BCAS1: variants seen among roughly 807,000 people sequenced by gnomAD.
BCAS1 encodes the protein breast carcinoma-amplified sequence 1.
BCAS1 carries 46 observed loss-of-function variants against 65.4 expected under a neutral mutation model. The observed-to-expected ratio is 0.70, with a 90% confidence interval of 0.55 to 0.90. The LOEUF (loss-of-function observed/expected upper bound fraction) is 0.90, where lower values mean the gene tolerates loss of function less well. BCAS1 is among the 40% of genes least tolerant of loss of function. The pLI, the probability that BCAS1 is intolerant of heterozygous loss-of-function variation, is 0.00. For missense variants in BCAS1, 793 were observed against 771.2 expected, an observed-to-expected ratio of 1.03 and a Z score of -0.33; for synonymous variants, 298 against 293.5, an observed-to-expected ratio of 1.02 and a Z score of -0.16.
chr20:53,984,738 C>G (rs888701077), intron 8 of BCAS1, among the ~76,000 whole-genome samples: 11 of 152,204 alleles, frequency 7.2e-5, no homozygotes, highest in African/African-American at 2.7e-4. Context: ...ACTCAGACCT[C>G]AGATGGGAAC....
intron 1 of BCAS1, among the ~76,000 whole-genome samples, chr20:54,066,280 G>A (rs1473418204): frequency 2.0e-5 from 3 of 152,162 alleles, no homozygotes; most frequent in African/African-American, 7.2e-5. Flanking sequence ...CCCCGTGTTA[G>A]CCAGGATGGT....
intron 1 of BCAS1, among the ~76,000 whole-genome samples, chr20:54,065,669 C>T (rs992085523): frequency 6.6e-6 from 1 of 152,202 alleles, no homozygotes; most frequent in Admixed American, 6.5e-5. Context: ...ACCTAGGGAT[C>T]TGCATTTCTG....
At chr20:54,057,331 T>C (rs1000686583) in intron 3 of BCAS1, among the ~76,000 whole-genome samples, 2 of 152,224 alleles carry the variant, frequency 1.3e-5, no homozygotes, top group Admixed American at 1.3e-4. Context: ...AAATGTTTAA[T>C]AAACAACCTC....
intron 9 of BCAS1, among the ~76,000 whole-genome samples, chr20:53,969,787 T>C (rs189076322): frequency 2.0e-5 from 3 of 152,288 alleles, no homozygotes; most frequent in Admixed American, 2.0e-4. Flanking sequence ...CAATCCAATG[T>C]TCTGAGAAGG....
intron 4 of BCAS1, among the ~76,000 whole-genome samples, chr20:53,998,670 G>A (rs2090981288): frequency 6.6e-6 from 1 of 152,166 alleles, no homozygotes; most frequent in Non-Finnish European, 1.5e-5. Flanking sequence ...ATTTAGGTAA[G>A]GACAGATGTG....
chr20:53,948,342 C>G (rs1329416321), intron 12 of BCAS1, among the ~76,000 whole-genome samples: 1 of 151,016 alleles, frequency 6.6e-6, no homozygotes, highest in Admixed American at 6.6e-5. Context: ...CTTGTACAAG[C>G]ATTTTCTTCA....
intron 4 of BCAS1, among the ~76,000 whole-genome samples, chr20:54,000,625 G>C (rs2091033892): frequency 6.6e-6 from 1 of 152,118 alleles, no homozygotes; most frequent in Non-Finnish European, 1.5e-5. Flanking sequence ...AAGTTATCCT[G>C]TAGCTCATTA....
intron 9 of BCAS1, 90 bp from the exon 10 acceptor site, chr20:53,967,163 G>T: frequency 7.7e-7 from 1 of 1,299,188 alleles, no homozygotes; most frequent in Non-Finnish European, 1.1e-6. Context: ...TTGCCCCCCT[G>T]TCCACATAGT....
chr20:54,060,723 G>T (rs1218457377), intron 1 of BCAS1, among the ~76,000 whole-genome samples: 1 of 152,156 alleles, frequency 6.6e-6, no homozygotes. Context: ...TGTTAATGTG[G>T]TTATTGTCCC....
rs752675539 is a variant in BCAS1 at position 53,953,521 on chromosome 20, CCG to C, written c.1724_1725del (p.Thr575SerfsTer17). The C allele has an allele frequency of 9.3e-6, 15 of 1,613,876 alleles. No homozygotes were observed. The highest frequency in any genetic ancestry group is 1.2e-5 in the Non-Finnish European group (14 of 1,180,018). On this transcript the variant is annotated frameshift_variant, in exon 12 of 13. Transcript: ENST00000688948. LOFTEE classifies it high-confidence loss of function. ...CCATTCTGCAGTGAGTTCGTGTCCA[CCG>C]TGGCCTGCTCTGTGCACTGGGCTGG... Reference protein sequence around the residue: ...KEPAQCTEQATVDTNSLQNGD... With the variant: ...KEPAQCTEQAXVDTNSLQNGD...
rs138832499 is a variant in BCAS1, at chr20:53,981,621, G to A, written c.1275+3666C>T. The stretch of plus-strand genomic sequence containing the variant: ...GGCCAATTTTATAACTGAAGAAACT[G>A]AGGCTCAAGAGTTTAAGTGCTCCAC... On this transcript the variant is annotated intron_variant, in intron 8 of 12. Coordinates refer to ENST00000688948, the MANE Select transcript of BCAS1 (RefSeq NM_001366298.2). Among the ~76,000 whole-genome samples the A allele has an allele frequency of 9.9e-3, 1,484 of 150,348 alleles. 26 individuals are homozygous for A. The highest frequency in any genetic ancestry group is 0.034 in the African/African-American group (1,391 of 40,864).
intron 4 of BCAS1, among the ~76,000 whole-genome samples, chr20:54,015,608 C>A (rs1036040048): frequency 2.6e-5 from 4 of 152,164 alleles, no homozygotes; most frequent in African/African-American, 9.7e-5. Flanking sequence ...GACAACATTT[C>A]TCTTTGTGAT....
chr20:54,022,797 A>C (rs1017298442), intron 4 of BCAS1, among the ~76,000 whole-genome samples: 3 of 152,232 alleles, frequency 2.0e-5, no homozygotes, highest in African/African-American at 7.2e-5. Flanking sequence ...ATTGTCATTT[A>C]ACTCAACCAC....
intron 9 of BCAS1, among the ~76,000 whole-genome samples, chr20:53,969,431 A>G (rs2090123779): frequency 6.6e-6 from 1 of 152,076 alleles, no homozygotes; most frequent in Non-Finnish European, 1.5e-5. Flanking sequence ...ATATTTTTTT[A>G]TAAATAGCAT....
chr20:53,959,685 G>C (rs1023769047), intron 10 of BCAS1, among the ~76,000 whole-genome samples: 33 of 152,286 alleles, frequency 2.2e-4, no homozygotes, highest in African/African-American at 7.9e-4. Flanking sequence ...GAAGGGTTGT[G>C]CTCTTTTTAA....
chr20:54,035,407 A>T (rs1213104949), intron 3 of BCAS1, among the ~76,000 whole-genome samples: 2 of 149,942 alleles, frequency 1.3e-5, no homozygotes, highest in East Asian at 3.9e-4. Flanking sequence ...TCTCAAAAAA[A>T]AAAAAAAAAA....
intron 8 of BCAS1, among the ~76,000 whole-genome samples, chr20:53,984,453 C>G (rs2090561637): frequency 6.6e-6 from 1 of 152,166 alleles, no homozygotes; most frequent in African/African-American, 2.4e-5. Flanking sequence ...TTCTGGACGA[C>G]GGAGTAAAGC....
At position 53,992,511 on chromosome 20, in the gene BCAS1, C is replaced by A. The variant is rs748544766; in HGVS notation, c.1062+1G>T. ...TCCTCCTACTTTAATAAGATACAGA[C>A]CTTATGCCTAAAGAATTTTCTAAAG... On this transcript the variant is annotated splice_donor_variant, in intron 7 of 12. Coordinates refer to ENST00000688948, the MANE Select transcript of BCAS1 (RefSeq NM_001366298.2). LOFTEE classifies it high-confidence loss of function. 2.9e-6 allele frequency: 4 copies of A among 1,365,732 alleles called. No homozygotes were observed. Among genetic ancestry groups the A allele is most frequent in the South Asian group, 2.3e-5 (2 of 87,970 alleles). 84.6% of individuals were successfully genotyped at this position (1,365,732 alleles called of 1,614,324 possible).
At chr20:54,018,844 A>G (rs1399351779) in intron 4 of BCAS1, among the ~76,000 whole-genome samples, 1 of 152,174 alleles carries the variant, frequency 6.6e-6, no homozygotes, top group Non-Finnish European at 1.5e-5. Flanking sequence ...GACAACCTAC[A>G]TGGCTGCGCT....
Sources: allele counts gnomAD v4.1 joint callset (sites outside exome capture counted in the v4.1 genomes callset), GRCh38; gene constraint gnomAD v4.1.1; transcripts MANE v1.5; gene names NCBI Gene and HGNC (gene_info 2026-07-23, HGNC 2026-07-21).